Variants in GDPD4 observed in about 807,000 individuals in gnomAD.
The protein encoded by GDPD4 is glycerophosphodiester phosphodiesterase domain containing 4, also known as glycerophosphodiester phosphodiesterase 6.
A neutral mutation model predicts 67.8 loss-of-function variants in GDPD4; 60 were observed. The ratio of observed to expected loss-of-function variants is 0.88; its 90% CI spans 0.72 to 1.10. The LOEUF (loss-of-function observed/expected upper bound fraction) is 1.10, where lower values mean the gene tolerates loss of function less well. Ranked by LOEUF, GDPD4 falls within the 50% of genes least tolerant of loss-of-function variation. The pLI, the probability that GDPD4 is intolerant of heterozygous loss-of-function variation, is 0.00. For missense variants in GDPD4, 623 were observed against 613.9 expected, an observed-to-expected ratio of 1.01 and a Z score of -0.16; for synonymous variants, 212 against 210.9, an observed-to-expected ratio of 1.00 and a Z score of -0.04.
At chr11:77,300,340 C>T (rs1322658035) in intron 1 of GDPD4, among the ~76,000 whole-genome samples, 2 of 152,174 alleles carry the variant, frequency 1.3e-5, no homozygotes, top group Non-Finnish European at 2.9e-5. Context: ...CAAGTGTGTG[C>T]TCACCATTGC....
chr11:77,293,570 G>T (rs1937850841), intron 1 of GDPD4, among the ~76,000 whole-genome samples: 1 of 143,838 alleles, frequency 7.0e-6, no homozygotes, highest in African/African-American at 2.7e-5. Flanking sequence ...CTCCAGCCTG[G>T]GCAACAGAGA....
chr11:77,218,427 AT>A (rs1247843622), intron 16 of GDPD4, among the ~76,000 whole-genome samples: 25 of 152,160 alleles, frequency 1.6e-4, no homozygotes, highest in Non-Finnish European at 1.5e-5. Context: ...TCTAGGGTAC[AT>A]GTGCACAATG....
chr11:77,216,844 A>C lies in GDPD4; in HGVS notation c.*433T>G. 6 of 629,564 alleles carry C rather than the reference A, an allele frequency of 9.5e-6. No homozygotes were observed. Among genetic ancestry groups the C allele is most frequent in the Non-Finnish European group, 1.7e-5 (6 of 352,652 alleles). The allele number at this position is 629,564 out of a possible 1,614,324, so 39.0% of individuals were successfully genotyped here. A position where few individuals can be genotyped will look rare whatever the true frequency, so the allele number is the denominator to read the frequency against. ...GAGATGTGGCTAATTCTTCTTTGGA[A>C]ACACAGAAGGCTATGTCAGATGCAA... is the stretch of plus-strand genomic sequence containing the variant. On this transcript the variant is annotated 3_prime_UTR_variant, in exon 17 of 17. Coordinates refer to ENST00000315938, the MANE Select transcript of GDPD4 (RefSeq NM_182833.3).
At position 77,233,047 on chromosome 11, in the gene GDPD4, A is replaced by G; in HGVS notation, c.1367T>C (p.Leu456Pro). The part of the protein sequence containing the change: ...TTDNIGLLSQ[L>P]DHPHFFMTPK... ...CACCATGAAGAAGTGAGGGTGATCA[A>G]GCTGACTCAGGAGCCCAATGTTGTC... Residue 456 changes from leucine (L) to proline (P), a missense_variant, in exon 14 of 17, where the codon CTT becomes CCT. Leu to Pro is a moderately conservative substitution (Grantham distance 98, BLOSUM62 -3). Coordinates refer to ENST00000315938, the MANE Select transcript of GDPD4 (RefSeq NM_182833.3). 2 of 1,614,150 alleles carry G rather than the reference A, an allele frequency of 1.2e-6. No individual in the cohort carries two copies. Among genetic ancestry groups the G allele is most frequent in the South Asian group, 1.1e-5 (1 of 91,082 alleles).
chr11:77,221,682 G>A (rs1238623032), intron 16 of GDPD4, among the ~76,000 whole-genome samples: 2 of 152,146 alleles, frequency 1.3e-5, no homozygotes, highest in Admixed American at 6.6e-5. Flanking sequence ...TGAGTGCAAT[G>A]TGGTGCTGAG....
intron 1 of GDPD4, among the ~76,000 whole-genome samples, chr11:77,290,469 G>T (rs1258404862): frequency 6.6e-6 from 1 of 151,878 alleles, no homozygotes; most frequent in Non-Finnish European, 1.5e-5. Flanking sequence ...AGAAATTTTT[G>T]AAACTGTAAA....
At chr11:77,260,337 A>G (rs960315612) in intron 10 of GDPD4, among the ~76,000 whole-genome samples, 3 of 148,896 alleles carry the variant, frequency 2.0e-5, no homozygotes, top group Admixed American at 6.6e-5. Flanking sequence ...GAGGGGGGGG[A>G]ATAATTTAGA....
rs1428266144 is a variant in GDPD4, at chr11:77,216,899, G to T, written c.*378C>A. 4 of 688,596 alleles carry T rather than the reference G, an allele frequency of 5.8e-6. No homozygotes were observed. The highest frequency in any genetic ancestry group is 6.3e-4 in the Middle Eastern group (2 of 3,170). The allele number at this position is 688,596 out of a possible 1,614,324, so 42.7% of individuals were successfully genotyped here. A position where few individuals can be genotyped will look rare whatever the true frequency, so the allele number is the denominator to read the frequency against. Reference sequence around the variant, plus strand: ...ATATATTGTGACATAGGATTATTTGGAGTATTCAGCCATGGGGATCTCTTA... The same window carrying T: ...ATATATTGTGACATAGGATTATTTGTAGTATTCAGCCATGGGGATCTCTTA... On this transcript the variant is annotated 3_prime_UTR_variant, in exon 17 of 17. Transcript: ENST00000315938.
intron 16 of GDPD4, among the ~76,000 whole-genome samples, chr11:77,220,432 C>T (rs1958205374): frequency 6.6e-6 from 1 of 152,184 alleles, no homozygotes; most frequent in Admixed American, 6.5e-5. Context: ...TGAATGTTGT[C>T]AAAGGCCTTT....
intron 16 of GDPD4, 45 bp from the exon 17 acceptor site, chr11:77,217,359 ACTCT>A (rs748036028): frequency 2.5e-5 from 35 of 1,426,888 alleles, no homozygotes; most frequent in Non-Finnish European, 3.2e-5. Flanking sequence ...TCACTTCTCC[ACTCT>A]CTGTCAGTCA....
chr11:77,276,179 G>A lies in GDPD4; in HGVS notation c.189C>T (p.Tyr63=), dbSNP rs140021398. The change falls in exon 5 of 17, where the codon TAC becomes TAT. Residue 63 remains tyrosine (Y), a synonymous_variant. Transcript: ENST00000315938. ...FLLLWERIEL[Y]LHLCHKILIL... ...GTCCTACCTTATGACACAAGTGCAG[G>A]TATAGTTCAATCCTTTCCCAAAGCA... 54 of 1,613,202 alleles carry A rather than the reference G, an allele frequency of 3.3e-5. No individual in the cohort carries two copies. The highest frequency in any genetic ancestry group is 3.3e-4 in the Admixed American group (20 of 59,994).
chr11:77,279,301 C>T lies in GDPD4; in HGVS notation c.147+5G>A. The stretch of plus-strand genomic sequence containing the variant: ...GGAGTGGAAGAAATGAGAAGCATTA[C>T]TCACCAACAGCAATGAAGAGTAGGC... On this transcript the variant is annotated splice_donor_5th_base_variant and intron_variant, in intron 4 of 16. Transcript: ENST00000315938. 1.9e-6 allele frequency: 3 copies of T among 1,584,944 alleles called. No homozygotes were observed. Among genetic ancestry groups the T allele is most frequent in the South Asian group, 1.1e-5 (1 of 90,518 alleles).
chr11:77,224,703 G>A, intron 16 of GDPD4, among the ~76,000 whole-genome samples: 1 of 152,196 alleles, frequency 6.6e-6, no homozygotes. Context: ...TTGATACCCT[G>A]TAAAGAGTAA....
chr11:77,267,707 G>C (rs1959184681), intron 10 of GDPD4, among the ~76,000 whole-genome samples: 1 of 152,004 alleles, frequency 6.6e-6, no homozygotes, highest in South Asian at 2.1e-4. Context: ...ATATATCCTA[G>C]ACACAAGTCT....
At chr11:77,286,673 C>T (rs941240036) in intron 2 of GDPD4, among the ~76,000 whole-genome samples, 1 of 152,200 alleles carries the variant, frequency 6.6e-6, no homozygotes, top group African/African-American at 2.4e-5. Flanking sequence ...ATGTAGCTCA[C>T]CAAAGGGTTC....
intron 5 of GDPD4, 67 bp downstream of exon 5, chr11:77,276,094 C>T: frequency 9.0e-7 from 1 of 1,106,192 alleles, no homozygotes; most frequent in Non-Finnish European, 1.4e-6. Context: ...TACCAAGGAG[C>T]ATGTTCAGGC....
At chr11:77,242,553 G>C (rs1312640778) in intron 13 of GDPD4, among the ~76,000 whole-genome samples, 2 of 152,028 alleles carry the variant, frequency 1.3e-5, no homozygotes, top group Non-Finnish European at 2.9e-5. Context: ...GTAGCTGATG[G>C]CTAGGCCAGG....
chr11:77,276,608 A>C (rs1959481353), intron 4 of GDPD4, among the ~76,000 whole-genome samples: 1 of 152,210 alleles, frequency 6.6e-6, no homozygotes, highest in South Asian at 2.1e-4. Flanking sequence ...AAGAGAAGAA[A>C]GGTCAGGAGG....
intron 13 of GDPD4, among the ~76,000 whole-genome samples, chr11:77,238,413 G>A (rs568748018): frequency 2.0e-5 from 3 of 151,798 alleles, no homozygotes; most frequent in South Asian, 2.1e-4. Flanking sequence ...ATGAAACCCC[G>A]TCTCTACTAA....
Sources: gnomAD v4.1 joint callset for allele counts (sites outside exome capture counted in the v4.1 genomes callset) on GRCh38, gnomAD v4.1.1 for gene constraint, MANE v1.5 for transcripts, NCBI Gene and HGNC (gene_info 2026-07-23, HGNC 2026-07-21) for gene names.